ATP1A4: variants seen among roughly 807,000 people sequenced by gnomAD.
ATP1A4 encodes ATPase Na+/K+ transporting subunit alpha 4, also known as sodium/potassium-transporting ATPase subunit alpha-4.
A neutral mutation model predicts 114.3 loss-of-function variants in ATP1A4; 90 were observed. That is an observed-to-expected ratio of 0.79 (90% CI 0.66 to 0.94). The LOEUF is 0.94. ATP1A4 is among the 40% of genes least tolerant of loss of function. The pLI is 0.00. For missense variants in ATP1A4, 1,222 were observed against 1,313.6 expected (o/e 0.93, Z 1.08); for synonymous variants, 511 against 494.1 (o/e 1.03, Z -0.45).
chr1:160,164,279 A>G lies in ATP1A4; in HGVS notation c.902A>G (p.His301Arg). 6.2e-7 allele frequency: 1 copy of G among 1,614,030 alleles called. No homozygotes were observed. Among genetic ancestry groups the G allele is most frequent in the Non-Finnish European group, 8.5e-7 (1 of 1,179,986 alleles). ...GCTGCTGAGATCGAACACTTCATCCATCTGATCACTGTGGTGGCCGTCTTC... is the reference window on the plus strand; with the variant it reads ...GCTGCTGAGATCGAACACTTCATCCGTCTGATCACTGTGGTGGCCGTCTTC... Reference protein sequence around the residue: ...PIAAEIEHFIHLITVVAVFLG... With the variant: ...PIAAEIEHFIRLITVVAVFLG... The change falls in exon 7 of 22, where the codon CAT (histidine) becomes CGT (arginine). Residue 301 changes from histidine (H) to arginine (R), a missense_variant. Coordinates refer to ENST00000368081, the MANE Select transcript of ATP1A4 (RefSeq NM_144699.4).
At chr1:160,165,289 T>A (rs1219027099) in intron 7 of ATP1A4, among the ~76,000 whole-genome samples, 1 of 152,234 alleles carries the variant, frequency 6.6e-6, no homozygotes, top group Non-Finnish European at 1.5e-5. Flanking sequence ...AATCCTGTTA[T>A]TAGAAGCCCA....
intron 18 of ATP1A4, among the ~76,000 whole-genome samples, chr1:160,178,475 G>A (rs889427499): frequency 1.3e-5 from 2 of 151,820 alleles, no homozygotes; most frequent in Non-Finnish European, 2.9e-5. Flanking sequence ...AAGAGATCAA[G>A]ACCATCCTGG....
At chr1:160,174,312 A>T in intron 14 of ATP1A4, 51 bp downstream of exon 14, 1 of 1,611,398 alleles carries the variant, frequency 6.2e-7, no homozygotes, top group Non-Finnish European at 8.5e-7. Context: ...CCTGTGGCTT[A>T]GCCCCGTCCC....
chr1:160,182,145 C>A (rs1653729847), intron 20 of ATP1A4, 114 bp downstream of exon 20: 1 of 813,596 alleles, frequency 1.2e-6, no homozygotes, highest in Non-Finnish European at 2.1e-6. Context: ...ATACATGGAG[C>A]TACATGTACA....
intron 5 of ATP1A4, 133 bp from the exon 6 acceptor site, chr1:160,159,276 C>A: frequency 1.5e-6 from 2 of 1,366,862 alleles, no homozygotes; most frequent in South Asian, 1.4e-5. Context: ...TTAGAGACAA[C>A]AGATGTGTAA....
Position 160,159,452 on chromosome 1 carries a change from G to C in ATP1A4, c.704G>C (p.Arg235Pro). The change falls in exon 6 of 22, where the codon CGC (arginine) becomes CCC (proline). Residue 235 changes from arginine to proline, a missense_variant. By Grantham distance (103) the Arg-to-Pro change is moderately radical (BLOSUM62 -2). Transcript: ENST00000368081. Reference protein sequence around the residue: ...SLTGESEPQSRSPDFTHENPL... With the variant: ...SLTGESEPQSPSPDFTHENPL... ...ACTGGGGAGTCAGAACCCCAGAGCC[G>C]CTCCCCTGACTTCACCCATGAGAAC... The C allele has an allele frequency of 6.2e-7, 1 of 1,613,822 alleles. No individual in the cohort carries two copies. The highest frequency in any genetic ancestry group is 1.3e-5 in the African/African-American group (1 of 74,992).
In ATP1A4 at chr1:160,166,965, T is replaced by C. The variant is rs1224047584; in HGVS notation, c.1247-3T>C. 6.2e-7 allele frequency: 1 copy of C among 1,613,750 alleles called. No homozygotes were observed. The highest frequency in any genetic ancestry group is 1.7e-5 in the Admixed American group (1 of 60,020). Reference sequence around the variant, plus strand: ...TCACAATTCTTCTTTTCTTTCTCCCTAGGAAAAACATTTACCAAGAGCTCT... The same window carrying C: ...TCACAATTCTTCTTTTCTTTCTCCCCAGGAAAAACATTTACCAAGAGCTCT... On this transcript the variant is annotated splice_polypyrimidine_tract_variant and splice_region_variant and intron_variant, in intron 8 of 21. Coordinates refer to ENST00000368081, the MANE Select transcript of ATP1A4 (RefSeq NM_144699.4).
At chr1:160,172,982 A>T (rs1344592060) in intron 12 of ATP1A4, among the ~76,000 whole-genome samples, 1 of 152,218 alleles carries the variant, frequency 6.6e-6, no homozygotes, top group African/African-American at 2.4e-5. Context: ...AAGAGAGATA[A>T]ACAGGCAATC....
intron 1 of ATP1A4, 151 bp from the exon 2 acceptor site, chr1:160,153,014 G>C (rs1301372863): frequency 6.3e-6 from 4 of 631,872 alleles, no homozygotes; most frequent in African/African-American, 5.4e-5. Flanking sequence ...CTGGGCAACA[G>C]AGTGACTCCA....
At chr1:160,168,693 AT>A (rs934853588) in intron 10 of ATP1A4, among the ~76,000 whole-genome samples, 5 of 151,950 alleles carry the variant, frequency 3.3e-5, no homozygotes, top group South Asian at 2.1e-4. Context: ...CTCTATATAA[AT>A]TTTTTTTAAC....
Position 160,174,559 on chromosome 1 carries a change from C to G in ATP1A4, c.2143-20C>G. On this transcript the variant is annotated intron_variant, in intron 14 of 21. Transcript: ENST00000368081. ...TCTGATGCAATAAATTGTTCACTCT[C>G]TCTGTCTGGACTTCCTCAGGGAGCC... 1 of 1,609,042 alleles carries G rather than the reference C, an allele frequency of 6.2e-7. No homozygotes were observed. The highest frequency in any genetic ancestry group is 8.5e-7 in the Non-Finnish European group (1 of 1,176,324).
intron 10 of ATP1A4, among the ~76,000 whole-genome samples, chr1:160,169,116 C>T (rs184435974): frequency 9.2e-5 from 14 of 152,304 alleles, no homozygotes; most frequent in Admixed American, 7.2e-4. Context: ...ACAGGCTGTC[C>T]CACTGGCCGC....
Position 160,185,747 on chromosome 1 carries a change from C to T in ATP1A4, c.2970-529C>T, listed in dbSNP as rs183471932. 3.2e-3 allele frequency among the ~76,000 whole-genome samples: 493 copies of T among 151,730 alleles called. 3 individuals carry two copies. The highest frequency in any genetic ancestry group is 0.01 in the African/African-American group (434 of 41,386). ...CATCCTGACCAACACAGTGAAACCC[C>T]GCCTCTACTAAAAATACAAAAATTA... is the stretch of plus-strand genomic sequence containing the variant. On this transcript the variant is annotated intron_variant, in intron 20 of 21. Coordinates refer to ENST00000368081, the MANE Select transcript of ATP1A4 (RefSeq NM_144699.4).
At chr1:160,158,898 AGGGGAGTAAGGAGGAGGGAG>A in intron 4 of ATP1A4, 84 bp from the exon 5 acceptor site, 2 of 1,254,278 alleles carry the variant, frequency 1.6e-6, no homozygotes, top group South Asian at 1.5e-5. Flanking sequence ...ACAGTAAGAA[AGGGGAGTAAGGAGGAGGGAG>A]ACCAATAACA....
intron 14 of ATP1A4, 143 bp downstream of exon 14, chr1:160,174,404 G>A (rs1653381607): frequency 2.1e-6 from 3 of 1,431,652 alleles, no homozygotes; most frequent in Non-Finnish European, 2.8e-6. Flanking sequence ...GTGGCCTTCA[G>A]TTTGGGGCTC....
intron 7 of ATP1A4, among the ~76,000 whole-genome samples, chr1:160,165,595 TA>T (rs982479817): frequency 2.6e-5 from 4 of 151,638 alleles, no homozygotes; most frequent in Admixed American, 6.6e-5. Context: ...CCGTCTCTAC[TA>T]AAAATACAAA....
intron 6 of ATP1A4, 125 bp downstream of exon 6, chr1:160,159,651 C>T (rs1026437825): frequency 2.2e-5 from 17 of 768,136 alleles, no homozygotes; most frequent in African/African-American, 7.0e-5. Flanking sequence ...TTCTCCATCA[C>T]GAGCTGTATG....
chr1:160,165,165 T>C (rs989069689), intron 7 of ATP1A4, among the ~76,000 whole-genome samples: 5 of 152,220 alleles, frequency 3.3e-5, no homozygotes, highest in African/African-American at 1.2e-4. Context: ...GTTGAGGGTA[T>C]GCTCTAGTTT....
Position 160,159,471 on chromosome 1 carries a change from T to C in ATP1A4, c.723T>C (p.His241=). Residue 241 remains histidine, a synonymous_variant, in exon 6 of 22, where the codon CAT becomes CAC. Coordinates refer to ENST00000368081, the MANE Select transcript of ATP1A4 (RefSeq NM_144699.4). The part of the protein sequence containing the change: ...EPQSRSPDFT[H]ENPLETRNIC... ...AGAGCCGCTCCCCTGACTTCACCCA[T>C]GAGAACCCTCTGGAGACCCGAAACA... 6.2e-7 allele frequency: 1 copy of C among 1,614,000 alleles called. No individual in the cohort carries two copies. Among genetic ancestry groups the C allele is most frequent in the Non-Finnish European group, 8.5e-7 (1 of 1,179,922 alleles).
Sources: gnomAD v4.1 joint callset for allele counts (sites outside exome capture counted in the v4.1 genomes callset) on GRCh38, gnomAD v4.1.1 for gene constraint, MANE v1.5 for transcripts, NCBI Gene and HGNC (gene_info 2026-07-23, HGNC 2026-07-21) for gene names.